E4F1: variants seen among roughly 807,000 people sequenced by gnomAD.
The protein encoded by E4F1 is E4F transcription factor 1.
A neutral mutation model predicts 72.9 loss-of-function variants in E4F1; 30 were observed. The observed-to-expected ratio is 0.41, with a 90% confidence interval of 0.31 to 0.56. The LOEUF is 0.56. Among genes scored for constraint, E4F1 ranks in the 20% least tolerant of loss-of-function variants. The pLI is 0.25. For missense variants in E4F1, 1,091 were observed against 1,117.5 expected (o/e 0.98, Z 0.34); for synonymous variants, 542 against 478.2 (o/e 1.13, Z -1.74).
At chr16:2,229,226 G>C (rs759474688) in intron 2 of E4F1, among the ~76,000 whole-genome samples, 10 of 152,366 alleles carry the variant, frequency 6.6e-5, no homozygotes, top group Non-Finnish European at 1.3e-4. Context: ...CGGATGTGGC[G>C]GGCTGGGACT....
At chr16:2,228,597 T>G in intron 2 of E4F1, 74 bp downstream of exon 2, 1 of 1,547,432 alleles carries the variant, frequency 6.5e-7, no homozygotes, top group Non-Finnish European at 8.8e-7. Context: ...CGCTTCAGGA[T>G]GGACCTGTGC....
In E4F1 at chr16:2,223,613, C is replaced by T; in HGVS notation, c.-1C>T. 1 of 1,587,954 alleles carries T rather than the reference C, an allele frequency of 6.3e-7. No homozygotes were observed. Among genetic ancestry groups the T allele is most frequent in the Non-Finnish European group, 8.5e-7 (1 of 1,172,872 alleles). Reference sequence around the variant, plus strand: ...GCCATCTTCCTGCGGCGCGTTGCGACATGGAGGGCGCGATGGCAGTGCGGG... The same window carrying T: ...GCCATCTTCCTGCGGCGCGTTGCGATATGGAGGGCGCGATGGCAGTGCGGG... On this transcript the variant is annotated 5_prime_UTR_variant, in exon 1 of 14. Transcript: ENST00000301727.
At chr16:2,227,519 C>G (rs576440819) in intron 1 of E4F1, among the ~76,000 whole-genome samples, 78 of 152,220 alleles carry the variant, frequency 5.1e-4, no homozygotes, top group Middle Eastern at 3.4e-3. Context: ...CTATAGGCAC[C>G]TGCCACCATG....
chr16:2,234,437 C>T (rs1456716592), intron 10 of E4F1, 49 bp downstream of exon 10: 1 of 1,603,800 alleles, frequency 6.2e-7, no homozygotes, highest in Non-Finnish European at 8.5e-7. Context: ...CCATCCTGCT[C>T]CCTGGCCGTG....
intron 1 of E4F1, among the ~76,000 whole-genome samples, chr16:2,225,474 T>TC (rs2093425499): frequency 6.8e-6 from 1 of 147,640 alleles, no homozygotes; most frequent in Admixed American, 6.6e-5. Context: ...GTCTCTATTT[T>TC]CTTTTTTTTT....
Position 2,234,572 on chromosome 16 carries a change from T to G in E4F1, c.1594-11T>G. The stretch of plus-strand genomic sequence containing the variant: ...CCAAGGCCAGGCTGGCACTGACAGG[T>G]GTCTCCACAGAACGCACAGCAGGTG... On this transcript the variant is annotated splice_polypyrimidine_tract_variant and intron_variant, in intron 10 of 13. Coordinates refer to ENST00000301727, the MANE Select transcript of E4F1 (RefSeq NM_004424.5). The G allele has an allele frequency of 6.4e-7, 1 of 1,572,540 alleles. No homozygotes were observed. Among genetic ancestry groups the G allele is most frequent in the East Asian group, 2.3e-5 (1 of 42,748 alleles).
intron 3 of E4F1, chr16:2,230,940 C>T (rs1393916459): frequency 2.0e-5 from 3 of 152,318 alleles, no homozygotes; most frequent in South Asian, 2.1e-4. Context: ...TTTCCACCCA[C>T]CTAAACTCTA....
chr16:2,232,731 G>C (rs1476879550), intron 5 of E4F1, 25 bp from the exon 6 acceptor site: 1 of 1,612,106 alleles, frequency 6.2e-7, no homozygotes, highest in African/African-American at 1.3e-5. Context: ...GGGGCTGCCC[G>C]GGGCTGACTA....
chr16:2,229,391 G>A (rs377092233), intron 2 of E4F1, among the ~76,000 whole-genome samples, 179 bp from the exon 3 acceptor site: 4 of 152,216 alleles, frequency 2.6e-5, no homozygotes, highest in East Asian at 1.9e-4. Context: ...GACTGGGACC[G>A]GTGGTCGTGT....
At chr16:2,227,731 C>G (rs2093440494) in intron 1 of E4F1, among the ~76,000 whole-genome samples, 2 of 152,048 alleles carry the variant, frequency 1.3e-5, no homozygotes, top group Non-Finnish European at 2.9e-5. Context: ...GAACTCCTGA[C>G]CTCAGGTGAT....
At position 2,228,904 on chromosome 16, in the gene E4F1, G is replaced by C. The variant is rs896589680; in HGVS notation, c.309+381G>C. 3.3e-5 allele frequency among the ~76,000 whole-genome samples: 5 copies of C among 152,318 alleles called. No homozygotes were observed. In the East Asian group the frequency reaches 9.6e-4, roughly 29 times the overall value. The stretch of plus-strand genomic sequence containing the variant: ...CTTCACACGTGAAGTGTGGCCCTGG[G>C]GGGTCCCGCCATCTCATCAGCAAAT... On this transcript the variant is annotated intron_variant, in intron 2 of 13. Transcript: ENST00000301727.
At chr16:2,224,082 T>C (rs1003680282) in intron 1 of E4F1, among the ~76,000 whole-genome samples, 1 of 152,252 alleles carries the variant, frequency 6.6e-6, no homozygotes, top group Non-Finnish European at 1.5e-5. Flanking sequence ...CTGCCTCCGA[T>C]GCCTGAGCCT....
Position 2,233,491 on chromosome 16 carries a change from G to C in E4F1, c.1110G>C (p.Leu370=), listed in dbSNP as rs1313158957. ...CCAGCGAGGGCAGCCGTGAGAACCT[G>C]CTGCACCAGGCCATGCAGAACTCCG... is the stretch of plus-strand genomic sequence containing the variant. ...PCSSEGSREN[L]LHQAMQNSGI... The change falls in exon 8 of 14, where the codon CTG becomes CTC. Residue 370 remains leucine (L), a synonymous_variant. Transcript: ENST00000301727. 1 of 1,508,668 alleles carries C rather than the reference G, an allele frequency of 6.6e-7. No homozygotes were observed. Among genetic ancestry groups the C allele is most frequent in the Non-Finnish European group, 8.8e-7 (1 of 1,130,876 alleles). 93.5% of individuals were successfully genotyped at this position (1,508,668 alleles called of 1,614,324 possible). A position where few individuals can be genotyped will look rare whatever the true frequency, so the allele number is the denominator to read the frequency against.
rs1202955459 is a variant in E4F1, at chr16:2,228,386, C to T, written c.172C>T (p.His58Tyr). Residue 58 changes from histidine (H) to tyrosine (Y), a missense_variant, in exon 2 of 14, where the codon CAC becomes TAC. By Grantham distance (83) the His-to-Tyr change is moderately conservative. Transcript: ENST00000301727. ...PFSEEDEDDV[H>Y]RCGRCQAEFT... ...GCTCGTTGCAGATGAGGACGATGTG[C>T]ACAGATGCGGCCGCTGCCAGGCAGA... 3.7e-6 allele frequency: 6 copies of T among 1,613,800 alleles called. No homozygotes were observed. Among genetic ancestry groups the T allele is most frequent in the Non-Finnish European group, 5.1e-6 (6 of 1,180,010 alleles).
chr16:2,223,995 C>A, intron 1 of E4F1: 2 of 1,470,336 alleles, frequency 1.4e-6, no homozygotes, highest in Non-Finnish European at 1.8e-6. Context: ...TGGTGTGCGT[C>A]CACAAGTGCT....
chr16:2,223,828 C>A (rs746571873), intron 1 of E4F1, 58 bp downstream of exon 1: 2 of 1,531,826 alleles, frequency 1.3e-6, no homozygotes, highest in East Asian at 2.5e-5. Context: ...CCCGGGCTGG[C>A]AGAGGCCCGG....
At chr16:2,225,924 C>G (rs2093429712) in intron 1 of E4F1, among the ~76,000 whole-genome samples, 1 of 151,742 alleles carries the variant, frequency 6.6e-6, no homozygotes, top group Non-Finnish European at 1.5e-5. Flanking sequence ...GAAACCCTGT[C>G]TTACTAAAAA....
In E4F1 at chr16:2,232,274, C is replaced by T. The variant is rs149258624; in HGVS notation, c.519C>T (p.Leu173=). The T allele has an allele frequency of 4.4e-5, 71 of 1,611,962 alleles. No homozygotes were observed. Among genetic ancestry groups the T allele is most frequent in the African/African-American group, 2.3e-4 (17 of 74,876 alleles). Residue 173 remains leucine, a synonymous_variant, in exon 4 of 14, where the codon CTC becomes CTT. Transcript: ENST00000301727. ...PGSPRQQGLG[L]AGEGEQAQVK... is the part of the protein sequence containing the mutation. ...GCCCCCGCCAGCAGGGGCTGGGGCTCGCAGGGGAGGGTGAGCAGGCCCAGG... is the reference window on the plus strand; with the variant it reads ...GCCCCCGCCAGCAGGGGCTGGGGCTTGCAGGGGAGGGTGAGCAGGCCCAGG...
rs772385410 is a variant in E4F1, at chr16:2,233,524, C to A, written c.1143C>A (p.Val381=). ...AGGCCATGCAGAACTCCGGCATCGT[C>A]CTTGAGCGCGCTGCTGGGGAGGAGG... The part of the protein sequence containing the change: ...LHQAMQNSGI[V]LERAAGEEGA... Residue 381 remains valine, a synonymous_variant, in exon 8 of 14, where the codon GTC becomes GTA. Coordinates refer to ENST00000301727, the MANE Select transcript of E4F1 (RefSeq NM_004424.5). 5.6e-5 allele frequency: 85 copies of A among 1,523,682 alleles called. No homozygotes were observed. Among genetic ancestry groups the A allele is most frequent in the Non-Finnish European group, 7.1e-5 (81 of 1,136,280 alleles). 94.4% of individuals were successfully genotyped at this position (1,523,682 alleles called of 1,614,324 possible).
Sources: allele counts gnomAD v4.1 joint callset (sites outside exome capture counted in the v4.1 genomes callset), GRCh38; gene constraint gnomAD v4.1.1; transcripts MANE v1.5; gene names NCBI Gene and HGNC (gene_info 2026-07-23, HGNC 2026-07-21).